The following FBN3 variants were observed in gnomAD, a reference collection of about 807,000 sequenced individuals.
FBN3 encodes fibrillin-3.
A neutral mutation model predicts 330.1 loss-of-function variants in FBN3; 234 were observed. The ratio of observed to expected loss-of-function variants is 0.71; its 90% confidence interval spans 0.64 to 0.79. The LOEUF (loss-of-function observed/expected upper bound fraction) is 0.79. Among genes scored for constraint, FBN3 ranks in the 30% least tolerant of loss-of-function variants. The pLI is 0.00. For missense variants in FBN3, 3,606 were observed against 3,886.9 expected, an observed-to-expected ratio of 0.93 and a Z score of 1.92; for synonymous variants, 1,458 against 1,517.3, an observed-to-expected ratio of 0.96 and a Z score of 0.91.
chr19:8,098,922 T>C (rs1269484215), intron 41 of FBN3, among the ~76,000 whole-genome samples: 1 of 152,080 alleles, frequency 6.6e-6, no homozygotes. Flanking sequence ...GGACTGGAAA[T>C]TACCTAAGTT....
intron 18 of FBN3, among the ~76,000 whole-genome samples, chr19:8,127,481 C>G (rs1481983052): frequency 6.6e-6 from 1 of 152,150 alleles, no homozygotes; most frequent in Admixed American, 6.5e-5. Context: ...GCAGGGTGCC[C>G]TATAATTCAA....
chr19:8,078,905 C>A (rs2144606985), intron 59 of FBN3, among the ~76,000 whole-genome samples: 1 of 151,910 alleles, frequency 6.6e-6, no homozygotes, highest in Admixed American at 6.6e-5. Flanking sequence ...CCTCAGCCTC[C>A]TAAGTAGCTA....
At chr19:8,072,958 C>G (rs566993258) in intron 62 of FBN3, 105 bp downstream of exon 62, 2 of 922,326 alleles carry the variant, frequency 2.2e-6, no homozygotes, top group East Asian at 4.9e-5. Context: ...TTGGCATGCA[C>G]AAAGCCCCGT....
At chr19:8,103,934 G>A (rs529131463) in intron 38 of FBN3, among the ~76,000 whole-genome samples, 1 of 151,408 alleles carries the variant, frequency 6.6e-6, no homozygotes, top group African/African-American at 2.4e-5. Context: ...CCCGGAGTTC[G>A]AGACCAGTCT....
Position 8,089,605 on chromosome 19 carries a change from A to C in FBN3, c.6316T>G (p.Ser2106Ala). The C allele has an allele frequency of 6.2e-7, 1 of 1,614,216 alleles. No individual in the cohort carries two copies. The highest frequency in any genetic ancestry group is 1.1e-5 in the South Asian group (1 of 91,086). The change falls in exon 51 of 64, where the codon TCC (serine) becomes GCC (alanine). Residue 2106 changes from serine to alanine, a missense_variant. By Grantham distance (99) the Ser-to-Ala change is moderately conservative (BLOSUM62 1). Coordinates refer to ENST00000600128, the MANE Select transcript of FBN3 (RefSeq NM_032447.5). ...CCAAAGGGACACTCACAGCGGAAGG[A>C]TCCATCGGTGTTGACACAGACGCCG... ...TNGVCVNTDGSFRCECPFGYS... is the reference protein window; with the variant it reads ...TNGVCVNTDGAFRCECPFGYS...
intron 63 of FBN3, among the ~76,000 whole-genome samples, chr19:8,067,069 T>C (rs1184459326): frequency 6.6e-6 from 1 of 152,062 alleles, no homozygotes; most frequent in Non-Finnish European, 1.5e-5. Flanking sequence ...CCCAGCACTT[T>C]TGGAGGCTGT....
intron 47 of FBN3, among the ~76,000 whole-genome samples, chr19:8,093,228 C>T (rs2082136012): frequency 6.6e-6 from 1 of 152,108 alleles, no homozygotes; most frequent in African/African-American, 2.4e-5. Flanking sequence ...TGACTCATGC[C>T]TGCAATCCCA....
chr19:8,125,608 T>G (rs187302501), intron 22 of FBN3, among the ~76,000 whole-genome samples: 146 of 152,004 alleles, frequency 9.6e-4, no homozygotes, highest in African/African-American at 3.4e-3. Context: ...CTAGCCAACA[T>G]GGTGAAACCC....
At chr19:8,071,174 G>A (rs2081503921) in intron 63 of FBN3, among the ~76,000 whole-genome samples, 1 of 152,178 alleles carries the variant, frequency 6.6e-6, no homozygotes, top group South Asian at 2.1e-4. Flanking sequence ...GATGGCTGCA[G>A]GACTGACCCA....
intron 55 of FBN3, among the ~76,000 whole-genome samples, chr19:8,085,987 G>A (rs942303274): frequency 1.3e-5 from 2 of 150,592 alleles, no homozygotes; most frequent in African/African-American, 2.4e-5. Flanking sequence ...GACAGGCAGT[G>A]GGAGGGACAG....
In FBN3 at chr19:8,086,944, G is replaced by A. The variant is rs542662808; in HGVS notation, c.6754+133C>T. On this transcript the variant is annotated intron_variant, in intron 54 of 63. Transcript: ENST00000600128. Reference sequence around the variant, plus strand: ...AAGCCTCAAATTCCTGGGCTCAAGCGATCCTCTCGCCTCAGCCTCCCAAAG... The same window carrying A: ...AAGCCTCAAATTCCTGGGCTCAAGCAATCCTCTCGCCTCAGCCTCCCAAAG... The A allele has an allele frequency of 1.1e-4, 126 of 1,115,146 alleles. 1 individual carries two copies. The highest frequency in any genetic ancestry group is 8.5e-4 in the African/African-American group (52 of 61,342). 69.1% of individuals were successfully genotyped at this position (1,115,146 alleles called of 1,614,324 possible).
At chr19:8,068,729 A>T (rs77613149) in intron 63 of FBN3, among the ~76,000 whole-genome samples, 8 of 52,682 alleles carry the variant, frequency 1.5e-4, no homozygotes, top group South Asian at 1.1e-3. Context: ...AATAAATAAT[A>T]AATCAATAAA....
intron 1 of FBN3, 48 bp from the exon 2 acceptor site, chr19:8,147,545 C>A: frequency 1.5e-6 from 2 of 1,372,350 alleles, no homozygotes; most frequent in Admixed American, 3.2e-5. Flanking sequence ...CCCACCCTAG[C>A]CATGGGGGAC....
rs945914978 is a variant in FBN3 at position 8,123,666 on chromosome 19, A to G, written c.2957-77T>C. On this transcript the variant is annotated intron_variant, in intron 23 of 63. Transcript: ENST00000600128. Reference sequence around the variant, plus strand: ...TACACCAAGCCCTCCCTGGGTTCTTAGTGCCTCGCCTTACCCACATCCCCT... The same window carrying G: ...TACACCAAGCCCTCCCTGGGTTCTTGGTGCCTCGCCTTACCCACATCCCCT... 11 of 1,600,682 alleles carry G rather than the reference A, an allele frequency of 6.9e-6. No individual in the cohort carries two copies. In the East Asian group the frequency reaches 2.5e-4, roughly 36 times the overall value.
At chr19:8,100,800 G>A in intron 41 of FBN3, 101 bp downstream of exon 41, 1 of 843,306 alleles carries the variant, frequency 1.2e-6, no homozygotes, top group Non-Finnish European at 2.0e-6. Flanking sequence ...GAGGATGGAG[G>A]AGTGGATGTA....
At position 8,131,726 on chromosome 19, in the gene FBN3, C is replaced by T. The variant is rs746530070; in HGVS notation, c.1818G>A (p.Thr606=). Residue 606 remains threonine (T), a synonymous_variant, in exon 15 of 64, where the codon ACG becomes ACA. Coordinates refer to ENST00000600128, the MANE Select transcript of FBN3 (RefSeq NM_032447.5). The surrounding 1 kb of genome is among the most constrained non-coding windows in gnomAD (Gnocchi z 4.5). ...GGGTGTCCACGCACACGCGGCCATC[C>T]GTGCCTACCGCCAGCCCCCCCAGGC... ...CQCLGGLAVG[T]DGRVCVDTHV... is the part of the protein sequence containing the mutation. The T allele has an allele frequency of 5.6e-6, 9 of 1,613,754 alleles. No homozygotes were observed. The highest frequency in any genetic ancestry group is 2.2e-5 in the East Asian group (1 of 44,852).
chr19:8,089,729 G>T lies in FBN3; in HGVS notation c.6251-59C>A, dbSNP rs563067652. ...GTCACCACACAATCGCCAGAGCCCT[G>T]GCCACACTCAAGGCCCCAAGGGGAC... On this transcript the variant is annotated intron_variant, in intron 50 of 63. Coordinates refer to ENST00000600128, the MANE Select transcript of FBN3 (RefSeq NM_032447.5). 368 of 1,602,032 alleles carry T rather than the reference G, an allele frequency of 2.3e-4. 2 individuals carry two copies. The African/African-American group carries it at 4.6e-3, about 20-fold the overall frequency.
At chr19:8,141,906 A>T (rs1313536587) in intron 7 of FBN3, 34 bp downstream of exon 7, 1 of 1,612,908 alleles carries the variant, frequency 6.2e-7, no homozygotes, top group South Asian at 1.1e-5. Context: ...AAGGCAGCTA[A>T]GGCCTCCCAC....
rs576928273 is a variant in FBN3 at position 8,126,190 on chromosome 19, G to A, written c.2605+107C>T. Reference sequence around the variant, plus strand: ...GGTAGGGAGAACGTCTGTCCCCATCGCAAAAGACTCCAGGGCGGGGCCGGA... The same window carrying A: ...GGTAGGGAGAACGTCTGTCCCCATCACAAAAGACTCCAGGGCGGGGCCGGA... On this transcript the variant is annotated intron_variant, in intron 21 of 63. Transcript: ENST00000600128. 19 of 1,433,846 alleles carry A rather than the reference G, an allele frequency of 1.3e-5. No individual in the cohort carries two copies. In the East Asian group the frequency reaches 2.2e-4, roughly 16 times the overall value. 88.8% of individuals were successfully genotyped at this position (1,433,846 alleles called of 1,614,324 possible).
Sources: gnomAD v4.1 joint callset for allele counts (sites outside exome capture counted in the v4.1 genomes callset) on GRCh38, gnomAD v4.1.1 for gene constraint, Gnocchi (gnomAD v3.1) non-coding constraint, MANE v1.5 for transcripts, NCBI Gene and HGNC (gene_info 2026-07-23, HGNC 2026-07-21) for gene names.